Variants in MRTFB observed in about 807,000 individuals in gnomAD.
MRTFB encodes the protein myocardin related transcription factor B.
MRTFB carries 29 observed loss-of-function variants against 104.2 expected under a neutral mutation model. That is an observed-to-expected ratio of 0.28 (90% CI 0.21 to 0.38). The LOEUF is 0.38. Ranked by LOEUF, MRTFB falls within the 10% of genes least tolerant of loss-of-function variation. The pLI, the probability that MRTFB is intolerant of heterozygous loss-of-function variation, is 1.00. For synonymous variants in MRTFB, 535 were observed against 519.5 expected (o/e 1.03, Z -0.41); for missense variants, 1,270 against 1,341.6 (o/e 0.95, Z 0.83).
chr16:14,190,760 A>G (rs1398316097), intron 3 of MRTFB, among the ~76,000 whole-genome samples: 1 of 152,220 alleles, frequency 6.6e-6, no homozygotes, highest in Non-Finnish European at 1.5e-5. Flanking sequence ...TGGGCAGGAC[A>G]ACTATCCCAG....
At chr16:14,024,750 A>G in the MRTFB span, among the ~76,000 whole-genome samples, 2 of 152,176 alleles carry the variant, frequency 1.3e-5, no homozygotes, top group African/African-American at 2.4e-5. Context: ...CTATTTTTTA[A>G]TTTTACATTT....
At position 14,236,992 on chromosome 16, in the gene MRTFB, A is replaced by C. The variant is rs117676094; in HGVS notation, c.831+2709A>C. Among the ~76,000 whole-genome samples, 12 of 152,284 alleles carry C rather than the reference A, an allele frequency of 7.9e-5. No individual in the cohort carries two copies. The East Asian group carries it at 2.3e-3, about 29-fold the overall frequency. ...GAAGAAGAGGAGTTGTGAACCATCT[A>C]CTGTTGTGTGTCTAAGTGACTAGCA... On this transcript the variant is annotated intron_variant, in intron 9 of 16. Transcript: ENST00000571589.
chr16:14,034,931 G>A, the MRTFB span, among the ~76,000 whole-genome samples: 3 of 152,224 alleles, frequency 2.0e-5, no homozygotes, highest in East Asian at 1.9e-4. Flanking sequence ...TTGAGTGTCC[G>A]GGCCCCTATC....
chr16:14,215,924 C>T (rs577765754), intron 6 of MRTFB, among the ~76,000 whole-genome samples: 21 of 152,314 alleles, frequency 1.4e-4, no homozygotes, highest in African/African-American at 4.3e-4. Context: ...ATTGCCCAAA[C>T]GAATTTGACA....
At position 14,261,245 on chromosome 16, in the gene MRTFB, A is replaced by G. The variant is rs1457404726; in HGVS notation, c.3101A>G (p.Glu1034Gly). 1 of 1,614,112 alleles carries G rather than the reference A, an allele frequency of 6.2e-7. No homozygotes were observed. The highest frequency in any genetic ancestry group is 8.5e-7 in the Non-Finnish European group (1 of 1,180,018). ...GMLDHSHSPM[E>G]TSETQFAAGT... ...CTGGACCATTCACACTCACCCATGG[A>G]GACTTCCGAGACCCAGTTTGCTGCA... Residue 1034 changes from glutamate to glycine, a missense_variant, in exon 17 of 17, where the codon GAG becomes GGG. Physicochemically the swap from Glu to Gly is moderately conservative, Grantham distance 98. Coordinates refer to ENST00000571589, the MANE Select transcript of MRTFB (RefSeq NM_001308142.2).
At chr16:14,162,086 T>C (rs1247722767) in intron 3 of MRTFB, among the ~76,000 whole-genome samples, 1 of 133,564 alleles carries the variant, frequency 7.5e-6, no homozygotes, top group Non-Finnish European at 1.5e-5. Context: ...GAGGCCAAGG[T>C]GGGAGTATCA....
At chr16:14,104,489 G>T (rs1352181296) in intron 2 of MRTFB, among the ~76,000 whole-genome samples, 2 of 152,172 alleles carry the variant, frequency 1.3e-5, no homozygotes, top group African/African-American at 4.8e-5. Context: ...GTGCAGTTCT[G>T]TGAGTCTCTT....
chr16:14,027,910 C>T, the MRTFB span, among the ~76,000 whole-genome samples: 9 of 152,202 alleles, frequency 5.9e-5, no homozygotes, highest in African/African-American at 2.2e-4. Flanking sequence ...GGTGCAGTGG[C>T]TCACACCTGT....
intron 3 of MRTFB, chr16:14,186,923 T>C: frequency 1.3e-6 from 2 of 1,598,178 alleles, no homozygotes; most frequent in Non-Finnish European, 1.7e-6. Context: ...CCATGATCGA[T>C]AGCTCCAAGA....
intron 2 of MRTFB, among the ~76,000 whole-genome samples, chr16:14,108,215 G>A (rs2036091874): frequency 6.6e-6 from 1 of 152,166 alleles, no homozygotes; most frequent in Non-Finnish European, 1.5e-5. Flanking sequence ...GTGGGTTAAA[G>A]AACATTCAGG....
chr16:14,065,314 C>T, the MRTFB span, among the ~76,000 whole-genome samples: 11 of 152,198 alleles, frequency 7.2e-5, no homozygotes, highest in South Asian at 2.1e-3. Context: ...ATTTTGTATC[C>T]AGAAACTGTG....
chr16:14,249,253 A>C (rs2043155848), intron 13 of MRTFB, among the ~76,000 whole-genome samples, 172 bp downstream of exon 13: 2 of 152,244 alleles, frequency 1.3e-5, no homozygotes, highest in African/African-American at 2.4e-5. Flanking sequence ...CAGATTTCCC[A>C]GTTATTTGGA....
intron 2 of MRTFB, among the ~76,000 whole-genome samples, chr16:14,115,211 A>G (rs1311134037): frequency 6.6e-6 from 1 of 152,200 alleles, no homozygotes; most frequent in African/African-American, 2.4e-5. Context: ...CTTGCTACAC[A>G]TTGTACCTAC....
rs191809728 is a variant in MRTFB, at chr16:14,159,244, A to G, written c.154+18484A>G. ...AAATGTTGCCATGCTAGGAAGAATT[A>G]CTTTACAACCAAGGACCTTGGTAGT... On this transcript the variant is annotated intron_variant, in intron 3 of 16. Coordinates refer to ENST00000571589, the MANE Select transcript of MRTFB (RefSeq NM_001308142.2). Among the ~76,000 whole-genome samples, 258 of 152,316 alleles carry G rather than the reference A, an allele frequency of 1.7e-3. 2 individuals carry two copies. Among genetic ancestry groups the G allele is most frequent in the Middle Eastern group, 6.8e-3 (2 of 294 alleles).
chr16:14,213,940 CAT>C (rs2041306561), intron 6 of MRTFB, among the ~76,000 whole-genome samples: 1 of 152,156 alleles, frequency 6.6e-6, no homozygotes, highest in Non-Finnish European at 1.5e-5. Context: ...CTTATTAAGT[CAT>C]AAAGAATGCA....
chr16:14,111,586 A>G (rs115132253), intron 2 of MRTFB, among the ~76,000 whole-genome samples: 2,089 of 152,332 alleles, frequency 0.014, 47 homozygotes, highest in African/African-American at 0.046. Flanking sequence ...AAGGACCTGC[A>G]TGGGCAAACT....
In MRTFB at chr16:14,177,906, GTGTGT is replaced by G. The variant is rs2039640064; in HGVS notation, c.155-32336_155-32332del. 8.4e-6 allele frequency among the ~76,000 whole-genome samples: 1 copy of G among 118,832 alleles called. No homozygotes were observed. The highest frequency in any genetic ancestry group is 5.0e-5 in the African/African-American group (1 of 20,046). 78.0% of individuals were successfully genotyped at this position (118,832 alleles called of 152,430 possible). A position where few individuals can be genotyped will look rare whatever the true frequency, so the allele number is the denominator to read the frequency against. On this transcript the variant is annotated intron_variant, in intron 3 of 16. Coordinates refer to ENST00000571589, the MANE Select transcript of MRTFB (RefSeq NM_001308142.2). This position sits in a 1 kb window ranked among gnomAD's most constrained non-coding sequence, Gnocchi z 4.7. ...GAAGTACATGAACCAGAGGTAGGGT[GTGTGT>G]GTGTGTGTGTGTGTGTGTGTGTGTG...
chr16:14,205,784 T>C (rs2040915002), intron 3 of MRTFB, among the ~76,000 whole-genome samples: 1 of 152,204 alleles, frequency 6.6e-6, no homozygotes, highest in African/African-American at 2.4e-5. Context: ...ATGATGGCCA[T>C]GGAAGATACT....
the MRTFB span, among the ~76,000 whole-genome samples, chr16:14,047,575 T>A: frequency 6.6e-6 from 1 of 152,354 alleles, no homozygotes; most frequent in African/African-American, 2.4e-5. Context: ...ACAGTTCATG[T>A]GGCTGGGGAG....
Sources: allele counts gnomAD v4.1 joint callset (sites outside exome capture counted in the v4.1 genomes callset), GRCh38; gene constraint gnomAD v4.1.1; non-coding constraint Gnocchi (gnomAD v3.1); transcripts MANE v1.5; gene names NCBI Gene and HGNC (gene_info 2026-07-23, HGNC 2026-07-21).